AURKA: variants seen among roughly 807,000 people sequenced by gnomAD.
The protein encoded by AURKA is aurora kinase A.
In AURKA, 12 loss-of-function variants were observed where a neutral mutation model predicts 40.9. The observed-to-expected ratio is 0.29, with a 90% CI of 0.19 to 0.48. AURKA has a LOEUF of 0.48. AURKA is among the 20% of genes least tolerant of loss of function. AURKA has a pLI of 0.99. For missense variants in AURKA, 322 were observed against 462.1 expected (o/e 0.70, Z 2.78); for synonymous variants, 170 against 164.3 (o/e 1.03, Z -0.26).
intron 2 of AURKA, among the ~76,000 whole-genome samples, chr20:56,387,692 C>T (rs1986539510): frequency 6.6e-6 from 1 of 152,168 alleles, no homozygotes; most frequent in African/African-American, 2.4e-5. Flanking sequence ...AATACAAAGT[C>T]AGTTACTCCT....
Position 56,370,508 on chromosome 20 carries a change from C to T in AURKA, c.1006G>A (p.Glu336Lys). ...ACCCGTGATATTCTTTTGTAGGTCTCTTGGTATGTGTTTGCCTCAAAAGGA... is the reference window on the plus strand; with the variant it reads ...ACCCGTGATATTCTTTTGTAGGTCTTTTGGTATGTGTTTGCCTCAAAAGGA... ...KPPFEANTYQETYKRISRVEF... is the reference protein window; with the variant it reads ...KPPFEANTYQKTYKRISRVEF... The change falls in exon 8 of 9, where the codon GAG becomes AAG. Residue 336 changes from glutamate to lysine, a missense_variant. Glu to Lys is a moderately conservative substitution (Grantham distance 56). Transcript: ENST00000395915. The T allele has an allele frequency of 6.2e-7, 1 of 1,614,216 alleles. No individual in the cohort carries two copies. The highest frequency in any genetic ancestry group is 8.5e-7 in the Non-Finnish European group (1 of 1,180,044).
At chr20:56,370,726 CA>C (rs1984043514) in intron 7 of AURKA, 67 bp from the exon 8 acceptor site, 61 of 1,568,372 alleles carry the variant, frequency 3.9e-5, no homozygotes, top group Admixed American at 6.9e-5. Flanking sequence ...TGCTAACAAT[CA>C]TTAAAGAGTC....
At chr20:56,387,335 G>C (rs1986492149) in intron 2 of AURKA, among the ~76,000 whole-genome samples, 1 of 152,118 alleles carries the variant, frequency 6.6e-6, no homozygotes. Context: ...TGTATTTTTA[G>C]TAGAAACAGG....
At chr20:56,381,388 G>A (rs1985688054) in intron 6 of AURKA, 45 bp downstream of exon 6, 2 of 1,608,140 alleles carry the variant, frequency 1.2e-6, no homozygotes, top group Non-Finnish European at 1.7e-6. Context: ...TGGAGGACAG[G>A]TATAAAGGAA....
rs988316482 is a variant in AURKA at position 56,386,140 on chromosome 20, C to T, written c.319+117G>A. On this transcript the variant is annotated intron_variant, in intron 3 of 8. Coordinates refer to ENST00000395915, the MANE Select transcript of AURKA (RefSeq NM_198437.3). ...CAACCCAGACACCATATTTTCTCCC[C>T]ATCCTCAACAGATATAAAAGCTAAG... is the stretch of plus-strand genomic sequence containing the variant. 8 of 1,422,668 alleles carry T rather than the reference C, an allele frequency of 5.6e-6. No individual in the cohort carries two copies. In the African/African-American group the frequency reaches 5.7e-5, roughly 10 times the overall value. 88.1% of individuals were successfully genotyped at this position (1,422,668 alleles called of 1,614,324 possible).
chr20:56,387,563 T>C (rs1178838543), intron 2 of AURKA, among the ~76,000 whole-genome samples: 3 of 152,228 alleles, frequency 2.0e-5, no homozygotes, highest in Non-Finnish European at 4.4e-5. Flanking sequence ...GGATGAGATT[T>C]CCTTCAGCTT....
rs745346689 is a variant in AURKA, at chr20:56,373,149, C to T, written c.854+259G>A. On this transcript the variant is annotated intron_variant, in intron 7 of 8. Coordinates refer to ENST00000395915, the MANE Select transcript of AURKA (RefSeq NM_198437.3). The surrounding 1 kb of genome is among the most constrained non-coding windows in gnomAD (Gnocchi z 5.0). ...TGTCCTATCTGTTGACTCATTCATC[C>T]CTTCATTAGCCTCTAAGGACATTAA... Among the ~76,000 whole-genome samples the T allele has an allele frequency of 6.6e-6, 1 of 152,194 alleles. No homozygotes were observed. Among genetic ancestry groups the T allele is most frequent in the Non-Finnish European group, 1.5e-5 (1 of 68,030 alleles).
intron 3 of AURKA, among the ~76,000 whole-genome samples, chr20:56,385,343 T>C (rs1463275458): frequency 2.0e-5 from 3 of 152,140 alleles, no homozygotes; most frequent in Non-Finnish European, 4.4e-5. Context: ...TGGTAAATAA[T>C]TGCATCCACT....
chr20:56,370,742 A>G, intron 7 of AURKA, 83 bp from the exon 8 acceptor site: 1 of 1,466,526 alleles, frequency 6.8e-7, no homozygotes, highest in South Asian at 1.2e-5. Flanking sequence ...AGAGTCCACT[A>G]ACACTGAGGT....
chr20:56,385,985 TCA>T (rs1569084759), intron 3 of AURKA, among the ~76,000 whole-genome samples: 1 of 152,100 alleles, frequency 6.6e-6, no homozygotes, highest in Non-Finnish European at 1.5e-5. Flanking sequence ...ACATCCAGAC[TCA>T]GTAACAAGCA....
At chr20:56,372,287 C>T (rs1023623786) in intron 7 of AURKA, among the ~76,000 whole-genome samples, 5 of 152,216 alleles carry the variant, frequency 3.3e-5, no homozygotes, top group Non-Finnish European at 7.4e-5. Flanking sequence ...CCATCAGCAC[C>T]GACGGACTGA....
chr20:56,388,054 A>G (rs1195316852), intron 2 of AURKA, 102 bp downstream of exon 2: 1 of 79,624 alleles, frequency 1.3e-5, no homozygotes. Context: ...ACAGTAAGGG[A>G]TCTAAATTTA....
chr20:56,383,895 T>C (rs948558678), intron 4 of AURKA, among the ~76,000 whole-genome samples: 1 of 152,246 alleles, frequency 6.6e-6, no homozygotes, highest in Non-Finnish European at 1.5e-5. Flanking sequence ...CTCAGTCATA[T>C]ATGAGTATAT....
intron 7 of AURKA, among the ~76,000 whole-genome samples, chr20:56,372,113 C>T (rs1054438832): frequency 2.6e-5 from 4 of 152,150 alleles, no homozygotes; most frequent in South Asian, 2.1e-4. Flanking sequence ...TGTGTGGGTT[C>T]GTGTTGCTTT....
At chr20:56,372,583 T>C (rs1984406922) in intron 7 of AURKA, among the ~76,000 whole-genome samples, 1 of 150,858 alleles carries the variant, frequency 6.6e-6, no homozygotes, top group South Asian at 2.1e-4. Flanking sequence ...AGTGCATTGC[T>C]GGAACAATTA....
At chr20:56,388,107 T>A (rs765025386) in intron 2 of AURKA, 49 bp downstream of exon 2, 1 of 1,603,750 alleles carries the variant, frequency 6.2e-7, no homozygotes, top group South Asian at 1.1e-5. Flanking sequence ...AAGACCAACC[T>A]CCATGTGGGT....
At chr20:56,379,130 G>A (rs995608945) in intron 6 of AURKA, among the ~76,000 whole-genome samples, 5 of 152,178 alleles carry the variant, frequency 3.3e-5, no homozygotes, top group Non-Finnish European at 7.3e-5. Flanking sequence ...GGGCATGAGG[G>A]TAAAGTGTTG....
Position 56,373,449 on chromosome 20 carries a change from T to G in AURKA, c.813A>C (p.Lys271Asn). 1 of 1,614,138 alleles carries G rather than the reference T, an allele frequency of 6.2e-7. No homozygotes were observed. The highest frequency in any genetic ancestry group is 8.5e-7 in the Non-Finnish European group (1 of 1,180,034). The change falls in exon 7 of 9, where the codon AAA becomes AAC. Residue 271 changes from lysine (K) to asparagine (N), a missense_variant. Transcript: ENST00000395915. The surrounding 1 kb of genome is among the most constrained non-coding windows in gnomAD (Gnocchi z 5.0). ...GTACTGACCACCCAAAATCTGCAAT[T>G]TTAAGCTCTCCAGCTGATCCAAGAA... ...NLLLGSAGEL[K>N]IADFGWSVHA... is the part of the protein sequence containing the mutation.
intron 3 of AURKA, 72 bp downstream of exon 3, chr20:56,386,185 A>G: frequency 1.9e-6 from 3 of 1,574,188 alleles, no homozygotes; most frequent in Non-Finnish European, 1.7e-6. Context: ...AATAAGTGCA[A>G]GTATATACAC....
Sources: allele counts gnomAD v4.1 joint callset (sites outside exome capture counted in the v4.1 genomes callset), GRCh38; gene constraint gnomAD v4.1.1; non-coding constraint Gnocchi (gnomAD v3.1); transcripts MANE v1.5; gene names NCBI Gene and HGNC (gene_info 2026-07-23, HGNC 2026-07-21).